The following FHIT variants were observed in gnomAD, a reference collection of about 807,000 sequenced individuals.
The protein encoded by FHIT is fragile histidine triad diadenosine triphosphatase.
A neutral mutation model predicts 17.9 loss-of-function variants in FHIT; 19 were observed. The observed-to-expected ratio is 1.06, with a 90% confidence interval of 0.74 to 1.56. The LOEUF is 1.56. FHIT is among the 40% of genes most tolerant of loss of function. The pLI is 0.00. For synonymous variants in FHIT, 81 were observed against 69.7 expected, an observed-to-expected ratio of 1.16 and a Z score of -0.81; for missense variants, 248 against 189.2, an observed-to-expected ratio of 1.31 and a Z score of -1.82.
intron 5 of FHIT, among the ~76,000 whole-genome samples, chr3:60,208,405 A>G (rs1392793915): frequency 6.6e-6 from 1 of 152,234 alleles, no homozygotes; most frequent in Non-Finnish European, 1.5e-5. Context: ...TTCTGAAATT[A>G]GATATTGACA....
At chr3:60,423,702 C>A (rs1702559220) in intron 5 of FHIT, among the ~76,000 whole-genome samples, 1 of 152,066 alleles carries the variant, frequency 6.6e-6, no homozygotes, top group African/African-American at 2.4e-5. Flanking sequence ...AGCTACTCAC[C>A]CCAACTCCTT....
intron 8 of FHIT, among the ~76,000 whole-genome samples, chr3:59,792,872 T>G (rs2046455): frequency 0.43 from 57,339 of 134,248 alleles, 13,665 homozygotes; most frequent in East Asian, 0.66. Context: ...CCTTATTTTT[T>G]GGGGGGGGGG....
At chr3:60,076,676 ACT>A (rs1472713352) in intron 5 of FHIT, among the ~76,000 whole-genome samples, 1 of 152,036 alleles carries the variant, frequency 6.6e-6, no homozygotes, top group African/African-American at 2.4e-5. Flanking sequence ...TAATAATGGT[ACT>A]CTGAGATGGT....
chr3:60,055,453 T>TA (rs979108344), intron 5 of FHIT, among the ~76,000 whole-genome samples: 6 of 151,706 alleles, frequency 4.0e-5, no homozygotes, highest in African/African-American at 1.5e-4. Flanking sequence ...ACTTTCTTTT[T>TA]TTTTTTTTTT....
intron 7 of FHIT, among the ~76,000 whole-genome samples, chr3:59,985,133 C>A (rs1198106588): frequency 6.6e-6 from 1 of 152,098 alleles, no homozygotes; most frequent in Non-Finnish European, 1.5e-5. Flanking sequence ...TGCTCTAACT[C>A]TTGACAGTTG....
chr3:60,561,066 T>C (rs2036927374), intron 4 of FHIT, among the ~76,000 whole-genome samples: 1 of 152,030 alleles, frequency 6.6e-6, no homozygotes, highest in African/African-American at 2.4e-5. Context: ...ATTCATTCAT[T>C]GCACTTTTCC....
intron 2 of FHIT, among the ~76,000 whole-genome samples, chr3:61,045,705 C>T (rs574065904): frequency 5.9e-5 from 9 of 152,266 alleles, no homozygotes; most frequent in East Asian, 1.9e-4. Context: ...AGCACCACAT[C>T]GTACTTATTC....
intron 6 of FHIT, among the ~76,000 whole-genome samples, chr3:60,013,087 C>T (rs1700203263): frequency 6.6e-6 from 1 of 152,096 alleles, no homozygotes; most frequent in South Asian, 2.1e-4. Flanking sequence ...ACAGACATGG[C>T]AGCAAAAAAA....
At chr3:61,154,787 A>G (rs1190436457) in intron 2 of FHIT, among the ~76,000 whole-genome samples, 1 of 152,212 alleles carries the variant, frequency 6.6e-6, no homozygotes, top group Non-Finnish European at 1.5e-5. Context: ...CTGGTTACAA[A>G]AGTTGCCAGC....
chr3:60,878,440 C>T (rs1413088362), intron 3 of FHIT, among the ~76,000 whole-genome samples: 1 of 151,994 alleles, frequency 6.6e-6, no homozygotes, highest in Non-Finnish European at 1.5e-5. Context: ...ACCCCAAAAG[C>T]CCTGCCACTG....
At chr3:60,136,069 A>T (rs1699802951) in intron 5 of FHIT, among the ~76,000 whole-genome samples, 1 of 152,168 alleles carries the variant, frequency 6.6e-6, no homozygotes, top group African/African-American at 2.4e-5. Context: ...GGTCAAGTAC[A>T]GAGTCTAGAC....
chr3:60,198,226 A>T (rs1425394394), intron 5 of FHIT, among the ~76,000 whole-genome samples: 2 of 152,168 alleles, frequency 1.3e-5, no homozygotes, highest in African/African-American at 4.8e-5. Context: ...TATCTTAGGT[A>T]TGGCACTAAC....
intron 3 of FHIT, among the ~76,000 whole-genome samples, chr3:60,910,937 G>A (rs1575677052): frequency 6.6e-6 from 1 of 152,154 alleles, no homozygotes; most frequent in East Asian, 1.9e-4. Flanking sequence ...TTTTATCTTG[G>A]GATAATCCAA....
At chr3:59,777,020 C>T (rs1702356902) in intron 8 of FHIT, among the ~76,000 whole-genome samples, 2 of 152,136 alleles carry the variant, frequency 1.3e-5, no homozygotes, top group African/African-American at 2.4e-5. Flanking sequence ...TCCAGTGTCT[C>T]CCATGCTCAC....
chr3:60,377,642 C>T (rs1191271353), intron 5 of FHIT, among the ~76,000 whole-genome samples: 26 of 149,138 alleles, frequency 1.7e-4, no homozygotes, highest in East Asian at 4.0e-4. Context: ...CCACCGCGCC[C>T]GGCTAATTTT....
intron 4 of FHIT, among the ~76,000 whole-genome samples, chr3:60,605,707 T>C (rs769875806): frequency 1.3e-5 from 2 of 152,170 alleles, no homozygotes; most frequent in Non-Finnish European, 2.9e-5. Flanking sequence ...ACTATTTTGC[T>C]TTATTTTCTG....
chr3:60,922,291 T>C (rs782335255), intron 3 of FHIT, among the ~76,000 whole-genome samples: 5 of 152,202 alleles, frequency 3.3e-5, no homozygotes, highest in Admixed American at 6.5e-5. Context: ...CATCTCCCCA[T>C]GCGGGCACCA....
intron 4 of FHIT, among the ~76,000 whole-genome samples, chr3:60,631,438 G>A (rs997006577): frequency 3.3e-5 from 5 of 152,102 alleles, no homozygotes; most frequent in Admixed American, 3.3e-4. Context: ...TTACATCTAG[G>A]GGATCCATGC....
chr3:60,581,543 G>A (rs1477148576), intron 4 of FHIT, among the ~76,000 whole-genome samples: 1 of 151,592 alleles, frequency 6.6e-6, no homozygotes, highest in African/African-American at 2.4e-5. Flanking sequence ...TCTCAATCTC[G>A]GTAAAACCAT....
Sources: allele counts gnomAD v4.1 joint callset (sites outside exome capture counted in the v4.1 genomes callset), GRCh38; gene constraint gnomAD v4.1.1; transcripts MANE v1.5; gene names NCBI Gene and HGNC (gene_info 2026-07-23, HGNC 2026-07-21).